RAPGEF6: variants seen among roughly 807,000 people sequenced by gnomAD.
RAPGEF6 encodes the protein Rap guanine nucleotide exchange factor 6.
RAPGEF6 carries 56 observed loss-of-function variants against 171.4 expected under a neutral mutation model. The observed-to-expected ratio is 0.33, with a 90% CI of 0.26 to 0.41. The LOEUF (loss-of-function observed/expected upper bound fraction) is 0.41. Among genes scored for constraint, RAPGEF6 ranks in the 10% least tolerant of loss-of-function variants. The probability of loss-of-function intolerance (pLI) is 1.00; values close to 1 mark genes in which losing one functional copy is unlikely to be tolerated. For synonymous variants in RAPGEF6, 692 were observed against 650.1 expected, an observed-to-expected ratio of 1.06 and a Z score of -0.98; for missense variants, 1,674 against 1,921.4, an observed-to-expected ratio of 0.87 and a Z score of 2.41.
rs1234455079 is a variant in RAPGEF6, at chr5:131,431,597, T to C, written c.3975-248A>G. Among the ~76,000 whole-genome samples, 7 of 152,260 alleles carry C rather than the reference T, an allele frequency of 4.6e-5. No homozygotes were observed. The East Asian group carries it at 1.4e-3, about 29-fold the overall frequency. On this transcript the variant is annotated intron_variant, in intron 25 of 27. Transcript: ENST00000509018. ...AAAATTTCCTTAGAATTTTTCTTTTTAAATTTTAAAATGTTAGATATTTTT... is the reference window on the plus strand; with the variant it reads ...AAAATTTCCTTAGAATTTTTCTTTTCAAATTTTAAAATGTTAGATATTTTT...
chr5:131,539,774 A>G (rs1282350361), intron 6 of RAPGEF6, among the ~76,000 whole-genome samples: 2 of 152,228 alleles, frequency 1.3e-5, no homozygotes, highest in Non-Finnish European at 2.9e-5. Flanking sequence ...CTCTGGATCT[A>G]AACAAAACAT....
chr5:131,454,845 A>T (rs745680472), intron 20 of RAPGEF6, among the ~76,000 whole-genome samples: 13 of 152,248 alleles, frequency 8.5e-5, no homozygotes, highest in Non-Finnish European at 1.8e-4. Context: ...CCAGTATCAA[A>T]CAAAGGCAGA....
Position 131,425,484 on chromosome 5 carries a change from T to G in RAPGEF6, c.*1782A>C, listed in dbSNP as rs1291020500. ...AAGTGTAACTTTCAAACTAGGATTT[T>G]TGGTTCAGGTTATTTCCCATTTCAA... is the stretch of plus-strand genomic sequence containing the variant. On this transcript the variant is annotated 3_prime_UTR_variant, in exon 28 of 28. Transcript: ENST00000509018. 1 of 152,360 alleles carries G rather than the reference T, an allele frequency of 6.6e-6. No homozygotes were observed. Among genetic ancestry groups the G allele is most frequent in the Non-Finnish European group, 1.5e-5 (1 of 68,038 alleles). 9.4% of individuals were successfully genotyped at this position (152,360 alleles called of 1,614,324 possible). A position where few individuals can be genotyped will look rare whatever the true frequency, so the allele number is the denominator to read the frequency against.
intron 11 of RAPGEF6, among the ~76,000 whole-genome samples, chr5:131,500,571 G>A (rs946122173): frequency 3.3e-5 from 5 of 152,192 alleles, no homozygotes; most frequent in African/African-American, 1.2e-4. Flanking sequence ...AAATGCCCTT[G>A]ATCCCAGCCA....
chr5:131,573,262 A>G (rs1240065593), intron 4 of RAPGEF6, among the ~76,000 whole-genome samples: 1 of 152,084 alleles, frequency 6.6e-6, no homozygotes, highest in African/African-American at 2.4e-5. Flanking sequence ...TCGTTTAGCA[A>G]TTAGCTCTCC....
chr5:131,528,120 A>G (rs13176316), intron 6 of RAPGEF6, among the ~76,000 whole-genome samples: 1 of 124,508 alleles, frequency 8.0e-6, no homozygotes, highest in Non-Finnish European at 1.6e-5. Context: ...ATATCATATA[A>G]AATATATATT....
intron 17 of RAPGEF6, among the ~76,000 whole-genome samples, chr5:131,465,306 C>T (rs774077089): frequency 1.3e-5 from 2 of 151,902 alleles, no homozygotes; most frequent in Non-Finnish European, 2.9e-5. Flanking sequence ...TAATAATATT[C>T]CACCCCCCCT....
intron 9 of RAPGEF6, among the ~76,000 whole-genome samples, chr5:131,506,635 T>C (rs1445710924): frequency 1.3e-5 from 2 of 152,182 alleles, no homozygotes; most frequent in East Asian, 3.8e-4. Flanking sequence ...AAATAAGATA[T>C]ACTCACTACA....
chr5:131,519,702 T>G (rs1561530896), intron 7 of RAPGEF6, among the ~76,000 whole-genome samples: 1 of 152,212 alleles, frequency 6.6e-6, no homozygotes, highest in East Asian at 1.9e-4. Context: ...TGTATAGTCT[T>G]AGAAAAGTCC....
At position 131,433,403 on chromosome 5, in the gene RAPGEF6, G is replaced by T. The variant is rs202138830; in HGVS notation, c.3974+27C>A. The stretch of plus-strand genomic sequence containing the variant: ...AGTGGCCACTTGGCTTGGGTTTTGT[G>T]TTATGAACACAGACAATGATGCTTA... On this transcript the variant is annotated intron_variant, in intron 25 of 27. Coordinates refer to ENST00000509018, the MANE Select transcript of RAPGEF6 (RefSeq NM_016340.6). 668 of 1,588,902 alleles carry T rather than the reference G, an allele frequency of 4.2e-4. 4 individuals are homozygous for T. The African/African-American group carries it at 7.7e-3, about 18-fold the overall frequency.
At chr5:131,518,581 A>G (rs1029904180) in intron 7 of RAPGEF6, among the ~76,000 whole-genome samples, 1 of 151,828 alleles carries the variant, frequency 6.6e-6, no homozygotes, top group African/African-American at 2.4e-5. Flanking sequence ...TTTTTAGTAG[A>G]GAGAGGGTTT....
chr5:131,493,834 A>C (rs1358440707), intron 13 of RAPGEF6, among the ~76,000 whole-genome samples: 1 of 152,218 alleles, frequency 6.6e-6, no homozygotes. Context: ...TGTCCCTTGA[A>C]TATTTACAAA....
rs1172579441 is a variant in RAPGEF6, at chr5:131,528,348, CACACAT to C, written c.496-6833_496-6828del. 1.1e-3 allele frequency among the ~76,000 whole-genome samples: 78 copies of C among 69,142 alleles called. 3 individuals carry two copies. Among genetic ancestry groups the C allele is most frequent in the African/African-American group, 4.3e-3 (76 of 17,506 alleles). 45.4% of individuals were successfully genotyped at this position (69,142 alleles called of 152,430 possible). ...ATATATATATATATATACACACACA[CACACAT>C]ATATATATATGGCAGTATGGAGCCT... On this transcript the variant is annotated intron_variant, in intron 6 of 27. Coordinates refer to ENST00000509018, the MANE Select transcript of RAPGEF6 (RefSeq NM_016340.6).
At chr5:131,496,628 G>A (rs1468095525) in intron 12 of RAPGEF6, among the ~76,000 whole-genome samples, 2 of 152,064 alleles carry the variant, frequency 1.3e-5, no homozygotes. Context: ...TTTTGTGATT[G>A]GCTTCTTTTA....
Position 131,632,754 on chromosome 5 carries a change from T to C in RAPGEF6, c.69+2208A>G, listed in dbSNP as rs573598699. The stretch of plus-strand genomic sequence containing the variant: ...AAACAGAAATGAACTTGGGAGAATT[T>C]TGTCAAATTATTTATCACAAACAAA... On this transcript the variant is annotated intron_variant, in intron 1 of 27. Coordinates refer to ENST00000509018, the MANE Select transcript of RAPGEF6 (RefSeq NM_016340.6). 5.3e-5 allele frequency among the ~76,000 whole-genome samples: 8 copies of C among 152,334 alleles called. No homozygotes were observed. The South Asian group carries it at 1.7e-3, about 32-fold the overall frequency.
intron 6 of RAPGEF6, 82 bp downstream of exon 6, chr5:131,547,965 T>C: frequency 6.9e-7 from 1 of 1,451,876 alleles, no homozygotes; most frequent in Non-Finnish European, 9.4e-7. Context: ...AGCATGTTGA[T>C]ATTACCAAAG....
chr5:131,449,721 A>G (rs1752938594), intron 21 of RAPGEF6, among the ~76,000 whole-genome samples: 1 of 152,210 alleles, frequency 6.6e-6, no homozygotes, highest in Non-Finnish European at 1.5e-5. Context: ...GAGTGCTTAG[A>G]ACAATGTATG....
rs1766547146 is a variant in RAPGEF6, at chr5:131,634,952, C to G, written c.69+10G>C. 7 of 1,614,046 alleles carry G rather than the reference C, an allele frequency of 4.3e-6. No individual in the cohort carries two copies. Among genetic ancestry groups the G allele is most frequent in the African/African-American group, 1.3e-5 (1 of 74,944 alleles). On this transcript the variant is annotated intron_variant, in intron 1 of 27. Transcript: ENST00000509018. Reference sequence around the variant, plus strand: ...ACTGTGAGACGCACATAAAGGTCAACCAGCCTCACCTCGGGAGTCCGCTCG... The same window carrying G: ...ACTGTGAGACGCACATAAAGGTCAAGCAGCCTCACCTCGGGAGTCCGCTCG...
intron 1 of RAPGEF6, among the ~76,000 whole-genome samples, chr5:131,632,694 T>A (rs1356915568): frequency 6.6e-6 from 1 of 152,204 alleles, no homozygotes; most frequent in Non-Finnish European, 1.5e-5. Context: ...ATATTCATAA[T>A]AGACCCTTGG....
Sources: gnomAD v4.1 joint callset for allele counts (sites outside exome capture counted in the v4.1 genomes callset) on GRCh38, gnomAD v4.1.1 for gene constraint, MANE v1.5 for transcripts, NCBI Gene and HGNC (gene_info 2026-07-23, HGNC 2026-07-21) for gene names.